CALHM6: variants seen among roughly 807,000 people sequenced by gnomAD.
The protein encoded by CALHM6 is calcium homeostasis modulator family member 6, also known as calcium homeostasis modulator protein 6.
A neutral mutation model predicts 12.7 loss-of-function variants in CALHM6; 15 were observed. The ratio of observed to expected loss-of-function variants is 1.18; its 90% CI spans 0.79 to 1.82. The LOEUF (loss-of-function observed/expected upper bound fraction) is 1.82, where lower values mean the gene tolerates loss of function less well. CALHM6 is among the 40% of genes most tolerant of loss of function. The pLI is 0.00. For missense variants in CALHM6, 434 were observed against 421.0 expected (o/e 1.03, Z -0.27); for synonymous variants, 212 against 193.7 (o/e 1.09, Z -0.78).
chr6:116,462,629 T>G, intron 2 of CALHM6, 175 bp downstream of exon 2: 1 of 494,710 alleles, frequency 2.0e-6, no homozygotes, highest in Non-Finnish European at 3.6e-6. Flanking sequence ...ATAAAACGAA[T>G]GAAAAGGAGA....
At chr6:116,461,815 C>A in intron 1 of CALHM6, 57 bp from the exon 2 acceptor site, 35 of 822,244 alleles carry the variant, frequency 4.3e-5, no homozygotes, top group Non-Finnish European at 5.4e-5. Context: ...AAAAAGGCTG[C>A]TTCTCGCAGA....
At chr6:116,462,555 A>G in intron 2 of CALHM6, 101 bp downstream of exon 2, 1 of 724,322 alleles carries the variant, frequency 1.4e-6, no homozygotes, top group Non-Finnish European at 2.1e-6. Flanking sequence ...CTCCAGATAT[A>G]CAGTACCCTA....
Position 116,463,319 on chromosome 6 carries a change from ATTC to A in CALHM6, c.567_569del (p.Leu190del), listed in dbSNP as rs1784820354. On this transcript the variant is annotated inframe_deletion, in exon 3 of 3. Transcript: ENST00000368605. ...GATCTTGATAGCAGTTGTTATCATC[ATTC>A]TTCTGATTTTTACATCTGTCACCCG... 4 of 1,613,826 alleles carry A rather than the reference ATTC, an allele frequency of 2.5e-6. No individual in the cohort carries two copies. Among genetic ancestry groups the A allele is most frequent in the Admixed American group, 1.7e-5 (1 of 60,008 alleles).
Position 116,463,456 on chromosome 6 carries a change from A to C in CALHM6, c.699A>C (p.Ala233=). 1 of 1,614,214 alleles carries C rather than the reference A, an allele frequency of 6.2e-7. No homozygotes were observed. Among genetic ancestry groups the C allele is most frequent in the Non-Finnish European group, 8.5e-7 (1 of 1,180,038 alleles). ...CCACAGAGCATGCAACTGAATTGGCAAAAGAGAATATTAAATGTTTCTTTG... is the reference window on the plus strand; with the variant it reads ...CCACAGAGCATGCAACTGAATTGGCCAAAGAGAATATTAAATGTTTCTTTG... The part of the protein sequence containing the change: ...SKATEHATEL[A]KENIKCFFEG... The change falls in exon 3 of 3, where the codon GCA becomes GCC. Residue 233 remains alanine (A), a synonymous_variant. Transcript: ENST00000368605.
rs1221892025 is a variant in CALHM6 at position 116,462,035 on chromosome 6, G to A, written c.106G>A (p.Ala36Thr). The A allele has an allele frequency of 1.5e-5, 23 of 1,548,568 alleles. No individual in the cohort carries two copies. The highest frequency in any genetic ancestry group is 2.0e-5 in the Non-Finnish European group (23 of 1,146,374). The change falls in exon 2 of 3, where the codon GCC becomes ACC. Residue 36 changes from alanine (A) to threonine (T), a missense_variant. Ala to Thr is a moderately conservative substitution (Grantham distance 58). Coordinates refer to ENST00000368605, the MANE Select transcript of CALHM6 (RefSeq NM_001010919.3). The stretch of plus-strand genomic sequence containing the variant: ...GGCGGGCGGGGAGCGCATCTTCTCC[G>A]CCGTGGCATTCCAGTGCCCGTGCAG... ...LTAGGERIFSAVAFQCPCSAA... is the reference protein window; with the variant it reads ...LTAGGERIFSTVAFQCPCSAA...
chr6:116,463,768 G>A lies in CALHM6; in HGVS notation c.*63G>A. On this transcript the variant is annotated 3_prime_UTR_variant, in exon 3 of 3. Coordinates refer to ENST00000368605, the MANE Select transcript of CALHM6 (RefSeq NM_001010919.3). ...ATTGCTTTATTAAAAAATAAACATT[G>A]GTATTTTTTGAGTGCTTTTTTTCTT... The A allele has an allele frequency of 7.6e-7, 1 of 1,310,364 alleles. No individual in the cohort carries two copies. Among genetic ancestry groups the A allele is most frequent in the Non-Finnish European group, 1.0e-6 (1 of 975,518 alleles). The allele number at this position is 1,310,364 out of a possible 1,614,324, so 81.2% of individuals were successfully genotyped here. A position where few individuals can be genotyped will look rare whatever the true frequency, so the allele number is the denominator to read the frequency against.
At chr6:116,463,227 A>T in intron 2 of CALHM6, 56 bp from the exon 3 acceptor site, 1 of 1,507,956 alleles carries the variant, frequency 6.6e-7, no homozygotes, top group Non-Finnish European at 8.9e-7. Context: ...GAGGATTTTT[A>T]AATTTCTTGT....
In CALHM6 at chr6:116,462,331, C is replaced by T. The variant is rs1784793278; in HGVS notation, c.402C>T (p.Phe134=). 6.9e-7 allele frequency: 1 copy of T among 1,440,284 alleles called. No homozygotes were observed. Among genetic ancestry groups the T allele is most frequent in the Non-Finnish European group, 9.1e-7 (1 of 1,101,842 alleles). 89.2% of individuals were successfully genotyped at this position (1,440,284 alleles called of 1,614,324 possible). A position where few individuals can be genotyped will look rare whatever the true frequency, so the allele number is the denominator to read the frequency against. ...GCGCGGCCACCGGGAGCGCGGCCTT[C>T]GCGCAGCGCCTGTGCCTCGGCCGCA... ...YECAATGSAA[F]AQRLCLGRNR... Residue 134 remains phenylalanine (F), a synonymous_variant, in exon 2 of 3, where the codon TTC becomes TTT. Coordinates refer to ENST00000368605, the MANE Select transcript of CALHM6 (RefSeq NM_001010919.3).
At chr6:116,461,505 G>A (rs1784767954) in intron 1 of CALHM6, 76 bp downstream of exon 1, 1 of 1,383,088 alleles carries the variant, frequency 7.2e-7, no homozygotes, top group Non-Finnish European at 1.0e-6. Context: ...TGCAATAGAG[G>A]AAAATCTGGT....
rs770187864 is a variant in CALHM6, at chr6:116,463,605, A to G, written c.848A>G (p.Lys283Arg). 4 of 1,614,186 alleles carry G rather than the reference A, an allele frequency of 2.5e-6. No individual in the cohort carries two copies. In the South Asian group the frequency reaches 4.4e-5, roughly 18 times the overall value. Residue 283 changes from lysine (K) to arginine (R), a missense_variant, in exon 3 of 3, where the codon AAA (lysine) becomes AGA (arginine). By Grantham distance (26) the Lys-to-Arg change is conservative. Coordinates refer to ENST00000368605, the MANE Select transcript of CALHM6 (RefSeq NM_001010919.3). ...ATGTTGCACAAATATGTCAACAGAA[A>G]AGAGAAGACTCACAGTATCAGGTCT... ...YSMLHKYVNR[K>R]EKTHSIRSTE...
intron 2 of CALHM6, among the ~76,000 whole-genome samples, chr6:116,462,835 T>C (rs2016676): frequency 6.6e-6 from 1 of 152,124 alleles, no homozygotes; most frequent in Non-Finnish European, 1.5e-5. Flanking sequence ...CTCCCCTATA[T>C]AGTGACTTCA....
At chr6:116,461,496 G>C (rs1362694899) in intron 1 of CALHM6, 67 bp downstream of exon 1, 2 of 1,428,106 alleles carry the variant, frequency 1.4e-6, no homozygotes, top group Non-Finnish European at 1.9e-6. Flanking sequence ...TAGGGTGGCT[G>C]CAATAGAGGA....
At chr6:116,461,831 A>G in intron 1 of CALHM6, 41 bp from the exon 2 acceptor site, 1 of 1,232,988 alleles carries the variant, frequency 8.1e-7, no homozygotes, top group Non-Finnish European at 1.1e-6. Context: ...GCAGAGTGGA[A>G]AGCCCCGGTC....
At chr6:116,463,042 G>A (rs1244739145) in intron 2 of CALHM6, among the ~76,000 whole-genome samples, 1 of 152,154 alleles carries the variant, frequency 6.6e-6, no homozygotes, top group Non-Finnish European at 1.5e-5. Flanking sequence ...GGAATGGTAT[G>A]GGCTCCTCCC....
Position 116,461,973 on chromosome 6 carries a change from A to G in CALHM6, c.44A>G (p.His15Arg), listed in dbSNP as rs1322570842. ...GTGCTGGACCTGCACGTCAAGCACC[A>G]CAGCGCCTTGGGCTACGGCCTGGTG... ...RAVLDLHVKH[H>R]SALGYGLVTL... The change falls in exon 2 of 3, where the codon CAC becomes CGC. Residue 15 changes from histidine (H) to arginine (R), a missense_variant. Transcript: ENST00000368605. 2.6e-6 allele frequency: 4 copies of G among 1,546,340 alleles called. No homozygotes were observed. Among genetic ancestry groups the G allele is most frequent in the Non-Finnish European group, 3.5e-6 (4 of 1,144,514 alleles).
In CALHM6 at chr6:116,463,768, G is replaced by T; in HGVS notation, c.*63G>T. On this transcript the variant is annotated 3_prime_UTR_variant, in exon 3 of 3. Coordinates refer to ENST00000368605, the MANE Select transcript of CALHM6 (RefSeq NM_001010919.3). ...ATTGCTTTATTAAAAAATAAACATT[G>T]GTATTTTTTGAGTGCTTTTTTTCTT... is the stretch of plus-strand genomic sequence containing the variant. The T allele has an allele frequency of 6.1e-6, 8 of 1,310,360 alleles. No homozygotes were observed. Among genetic ancestry groups the T allele is most frequent in the South Asian group, 1.8e-5 (1 of 55,688 alleles). The allele number at this position is 1,310,360 out of a possible 1,614,324, so 81.2% of individuals were successfully genotyped here.
chr6:116,463,770 TA>T lies in CALHM6; in HGVS notation c.*66del. On this transcript the variant is annotated 3_prime_UTR_variant, in exon 3 of 3. Coordinates refer to ENST00000368605, the MANE Select transcript of CALHM6 (RefSeq NM_001010919.3). ...TGCTTTATTAAAAAATAAACATTGG[TA>T]TTTTTTGAGTGCTTTTTTTCTTCCA... is the stretch of plus-strand genomic sequence containing the variant. 7.6e-7 allele frequency: 1 copy of T among 1,322,608 alleles called. No individual in the cohort carries two copies. The highest frequency in any genetic ancestry group is 1.0e-6 in the Non-Finnish European group (1 of 981,484). The allele number at this position is 1,322,608 out of a possible 1,614,324, so 81.9% of individuals were successfully genotyped here.
intron 2 of CALHM6, 25 bp from the exon 3 acceptor site, chr6:116,463,258 T>C: frequency 6.4e-7 from 1 of 1,557,538 alleles, no homozygotes; most frequent in South Asian, 1.2e-5. Flanking sequence ...GTAACTAAAT[T>C]ACTATTTTGT....
In CALHM6 at chr6:116,462,154, G is replaced by C. The variant is rs192974599; in HGVS notation, c.225G>C (p.Trp75Cys). The change falls in exon 2 of 3, where the codon TGG (tryptophan) becomes TGC (cysteine). Residue 75 changes from tryptophan to cysteine, a missense_variant. Trp to Cys is a radical substitution (Grantham distance 215, BLOSUM62 -2). Coordinates refer to ENST00000368605, the MANE Select transcript of CALHM6 (RefSeq NM_001010919.3). ...LLGYVLSART[W>C]RLLTGCCSSA... ...GCTACGTGCTGAGCGCACGCACGTG[G>C]CGCCTGCTCACCGGATGCTGCTCCA... 2 of 1,529,468 alleles carry C rather than the reference G, an allele frequency of 1.3e-6. No homozygotes were observed. Among genetic ancestry groups the C allele is most frequent in the African/African-American group, 2.8e-5 (2 of 72,274 alleles). The allele number at this position is 1,529,468 out of a possible 1,614,324, so 94.7% of individuals were successfully genotyped here. A position where few individuals can be genotyped will look rare whatever the true frequency, so the allele number is the denominator to read the frequency against.
Sources: allele counts gnomAD v4.1 joint callset (sites outside exome capture counted in the v4.1 genomes callset), GRCh38; gene constraint gnomAD v4.1.1; transcripts MANE v1.5; gene names NCBI Gene and HGNC (gene_info 2026-07-23, HGNC 2026-07-21).